DENND1B: variants seen among roughly 807,000 people sequenced by gnomAD.
DENND1B encodes the protein DENN domain containing 1B.
A neutral mutation model predicts 90.1 loss-of-function variants in DENND1B; 59 were observed. That is an observed-to-expected ratio of 0.65 (90% confidence interval 0.53 to 0.81). The LOEUF (loss-of-function observed/expected upper bound fraction) is 0.81. Ranked by LOEUF, DENND1B falls within the 40% of genes least tolerant of loss-of-function variation. DENND1B has a pLI of 0.00. For synonymous variants in DENND1B, 337 were observed against 324.6 expected (o/e 1.04, Z -0.41); for missense variants, 862 against 912.6 (o/e 0.94, Z 0.71).
intron 3 of DENND1B, among the ~76,000 whole-genome samples, chr1:197,682,077 T>C (rs980796394): frequency 2.6e-5 from 4 of 152,042 alleles, no homozygotes; most frequent in Non-Finnish European, 5.9e-5. Flanking sequence ...AGGACTCTTG[T>C]GGTTTATCTA....
intron 1 of DENND1B, among the ~76,000 whole-genome samples, 173 bp downstream of exon 1, chr1:197,774,966 C>A (rs977696468): frequency 6.6e-6 from 1 of 152,038 alleles, no homozygotes; most frequent in African/African-American, 2.4e-5. Flanking sequence ...CGGCCTAGCG[C>A]CGTCCCGCCG....
At chr1:197,663,231 A>G (rs1209283169) in intron 5 of DENND1B, among the ~76,000 whole-genome samples, 1 of 152,132 alleles carries the variant, frequency 6.6e-6, no homozygotes, top group Admixed American at 6.6e-5. Context: ...TCCCTGTTAC[A>G]TCAGTATGTA....
intron 10 of DENND1B, among the ~76,000 whole-genome samples, chr1:197,637,900 C>T (rs1384270323): frequency 6.6e-6 from 1 of 152,158 alleles, no homozygotes; most frequent in Non-Finnish European, 1.5e-5. Flanking sequence ...TTTGTTCTCT[C>T]ACCAAATGTT....
chr1:197,674,107 ACTTATACTGTAC>A lies in DENND1B; in HGVS notation c.176+1_176+12del. On this transcript the variant is annotated splice_donor_variant and splice_donor_5th_base_variant and intron_variant, in intron 4 of 22. Coordinates refer to ENST00000620048, the MANE Select transcript of DENND1B (RefSeq NM_001195215.2). LOFTEE classifies it high-confidence loss of function. ...AGAATCTACATTTATTTTAAATGAT[ACTTATACTGTAC>A]CTTTCAACGTCAAAGGGAAAACAGA... 6.4e-7 allele frequency: 1 copy of A among 1,562,158 alleles called. No homozygotes were observed. Among genetic ancestry groups the A allele is most frequent in the South Asian group, 1.1e-5 (1 of 87,298 alleles).
In DENND1B at chr1:197,506,057, GA is replaced by G. The variant is rs2125583342; in HGVS notation, c.*4402del. 6.6e-6 allele frequency: 1 copy of G among 151,564 alleles called. No individual in the cohort carries two copies. The highest frequency in any genetic ancestry group is 6.6e-5 in the Admixed American group (1 of 15,188). The allele number at this position is 151,564 out of a possible 1,614,324, so 9.4% of individuals were successfully genotyped here. A position where few individuals can be genotyped will look rare whatever the true frequency, so the allele number is the denominator to read the frequency against. ...ACATTTCTCCTGGCAACAATATAAA[GA>G]ATATATTTTTTTCTGAAATCAATGA... On this transcript the variant is annotated 3_prime_UTR_variant, in exon 23 of 23. Coordinates refer to ENST00000620048, the MANE Select transcript of DENND1B (RefSeq NM_001195215.2).
chr1:197,607,879 TAAAG>T (rs1431503816), intron 12 of DENND1B, among the ~76,000 whole-genome samples: 8 of 150,704 alleles, frequency 5.3e-5, no homozygotes, highest in Admixed American at 4.0e-4. Context: ...TTTTCATCCT[TAAAG>T]AAAATACTTA....
In DENND1B at chr1:197,659,592, G is replaced by A. The variant is rs75965996; in HGVS notation, c.297-1223C>T. ...CAAAATGACAATAAATGAATAAAAA[G>A]GGTATATATTAATGAATACAAGCAA... On this transcript the variant is annotated intron_variant, in intron 5 of 22. Transcript: ENST00000620048. 9.1e-3 allele frequency among the ~76,000 whole-genome samples: 1,382 copies of A among 151,888 alleles called. 19 individuals are homozygous for A. Among genetic ancestry groups the A allele is most frequent in the African/African-American group, 0.028 (1,174 of 41,468 alleles).
intron 15 of DENND1B, among the ~76,000 whole-genome samples, chr1:197,571,445 C>CA (rs1673144769): frequency 6.6e-6 from 1 of 152,130 alleles, no homozygotes; most frequent in African/African-American, 2.4e-5. Context: ...GTCTTTGTAA[C>CA]AATTCTCTCT....
intron 10 of DENND1B, among the ~76,000 whole-genome samples, chr1:197,633,326 T>C (rs952596081): frequency 2.0e-5 from 3 of 152,198 alleles, no homozygotes; most frequent in African/African-American, 7.2e-5. Flanking sequence ...ACTGTACCAA[T>C]TATCAACTTA....
intron 20 of DENND1B, among the ~76,000 whole-genome samples, chr1:197,519,343 G>A (rs544910506): frequency 6.6e-6 from 1 of 151,952 alleles, no homozygotes; most frequent in African/African-American, 2.4e-5. Context: ...TTAATGAACT[G>A]ATAAGAAAAA....
At chr1:197,705,765 T>G (rs573651421) in intron 3 of DENND1B, among the ~76,000 whole-genome samples, 1 of 151,444 alleles carries the variant, frequency 6.6e-6, no homozygotes, top group Non-Finnish European at 1.5e-5. Flanking sequence ...GTAAAATGAG[T>G]GAGCAAGGCT....
intron 18 of DENND1B, among the ~76,000 whole-genome samples, chr1:197,542,713 AT>A (rs1670424656): frequency 6.6e-6 from 1 of 152,166 alleles, no homozygotes; most frequent in African/African-American, 2.4e-5. Flanking sequence ...CAGAGTACAC[AT>A]TTCAGAAAAT....
intron 14 of DENND1B, among the ~76,000 whole-genome samples, chr1:197,591,439 A>T (rs1675195147): frequency 6.6e-6 from 1 of 152,206 alleles, no homozygotes; most frequent in Non-Finnish European, 1.5e-5. Flanking sequence ...ATTGACTTTT[A>T]CTTTAGATGC....
At chr1:197,713,734 TAAA>T (rs377064188) in intron 3 of DENND1B, among the ~76,000 whole-genome samples, 114 of 75,816 alleles carry the variant, frequency 1.5e-3, no homozygotes, top group African/African-American at 5.6e-3. Flanking sequence ...TAGAGTATAA[TAAA>T]AAAAAAAAAT....
chr1:197,647,803 C>G (rs1007758298), intron 7 of DENND1B, among the ~76,000 whole-genome samples: 6 of 151,902 alleles, frequency 3.9e-5, no homozygotes, highest in Non-Finnish European at 8.8e-5. Flanking sequence ...ACAAAATTAG[C>G]CCGGTTTGGT....
chr1:197,613,460 A>T (rs1444310164), intron 11 of DENND1B, among the ~76,000 whole-genome samples: 3 of 150,532 alleles, frequency 2.0e-5, no homozygotes, highest in Admixed American at 1.3e-4. Context: ...ACCATCTGGA[A>T]TTGATCTGAT....
intron 2 of DENND1B, among the ~76,000 whole-genome samples, chr1:197,733,650 C>T (rs1662360801): frequency 6.6e-6 from 1 of 152,184 alleles, no homozygotes; most frequent in African/African-American, 2.4e-5. Flanking sequence ...TTGTGAGGCC[C>T]CACGAAAGCC....
the DENND1B span, among the ~76,000 whole-genome samples, chr1:197,781,449 A>G: frequency 6.6e-6 from 1 of 152,190 alleles, no homozygotes; most frequent in Admixed American, 6.5e-5. Flanking sequence ...CTCTTAGGAA[A>G]CTATCTTTAA....
chr1:197,774,934 G>A (rs1030642843), intron 1 of DENND1B, among the ~76,000 whole-genome samples: 1 of 152,128 alleles, frequency 6.6e-6, no homozygotes, highest in African/African-American at 2.4e-5. Flanking sequence ...GAGGGCCGGG[G>A]ACGCAGGGCG....
Sources: gnomAD v4.1 joint callset for allele counts (sites outside exome capture counted in the v4.1 genomes callset) on GRCh38, gnomAD v4.1.1 for gene constraint, MANE v1.5 for transcripts, NCBI Gene and HGNC (gene_info 2026-07-23, HGNC 2026-07-21) for gene names.